SIRT1: variants seen among roughly 807,000 people sequenced by gnomAD.
SIRT1 encodes sirtuin 1.
A neutral mutation model predicts 67.9 loss-of-function variants in SIRT1; 24 were observed. The ratio of observed to expected loss-of-function variants is 0.35; its 90% confidence interval spans 0.26 to 0.50. The LOEUF is 0.50. Ranked by LOEUF, SIRT1 falls within the 20% of genes least tolerant of loss-of-function variation. The pLI, the probability that SIRT1 is intolerant of heterozygous loss-of-function variation, is 0.98. For synonymous variants in SIRT1, 378 were observed against 350.7 expected, an observed-to-expected ratio of 1.08 and a Z score of -0.87; for missense variants, 873 against 937.2, an observed-to-expected ratio of 0.93 and a Z score of 0.89.
chr10:67,900,195 G>T, intron 4 of SIRT1, among the ~76,000 whole-genome samples: 1 of 151,720 alleles, frequency 6.6e-6, no homozygotes, highest in South Asian at 2.1e-4. Context: ...GCTCAAGTTG[G>T]AGTGCAGTGG....
intron 1 of SIRT1, among the ~76,000 whole-genome samples, chr10:67,886,777 T>C (rs1259228529): frequency 6.6e-6 from 1 of 152,168 alleles, no homozygotes; most frequent in Non-Finnish European, 1.5e-5. Context: ...GACGTTTTTA[T>C]GTAAATGTCC....
At chr10:67,913,679 G>A (rs545749332) in intron 8 of SIRT1, among the ~76,000 whole-genome samples, 2 of 152,076 alleles carry the variant, frequency 1.3e-5, no homozygotes, top group South Asian at 4.2e-4. Flanking sequence ...GGAAGCCGAT[G>A]TTTTAAGTCC....
chr10:67,899,340 A>G lies in SIRT1; in HGVS notation c.943-7450A>G, dbSNP rs967783987. On this transcript the variant is annotated intron_variant, in intron 4 of 8. Transcript: ENST00000212015. ...GTTATATAAATATATATAATTATAT[A>G]TATATTTGAGACAGGGCCTGTCTCT... 2.6e-5 allele frequency among the ~76,000 whole-genome samples: 4 copies of G among 151,178 alleles called. No individual in the cohort carries two copies. The East Asian group carries it at 7.7e-4, about 29-fold the overall frequency.
intron 1 of SIRT1, among the ~76,000 whole-genome samples, chr10:67,886,911 A>T (rs1419854080): frequency 6.9e-6 from 1 of 144,950 alleles, no homozygotes; most frequent in Non-Finnish European, 1.5e-5. Context: ...CGCTCTTGTT[A>T]CCCAAGCTGG....
chr10:67,915,580 G>T (rs2029885725), intron 8 of SIRT1, among the ~76,000 whole-genome samples: 1 of 152,130 alleles, frequency 6.6e-6, no homozygotes, highest in South Asian at 2.1e-4. Context: ...GTAAATTTAG[G>T]TTCACAGGTG....
chr10:67,894,267 C>G (rs1476806348), intron 4 of SIRT1, among the ~76,000 whole-genome samples: 1 of 152,202 alleles, frequency 6.6e-6, no homozygotes, highest in Non-Finnish European at 1.5e-5. Context: ...TAACTTAAAA[C>G]TTATATAATT....
chr10:67,888,947 T>G lies in SIRT1; in HGVS notation c.613T>G (p.Leu205Val). ...GTDPRTILKD[L>V]LPETIPPPEL... ...AGATCCTCGAACAATTCTTAAAGAT[T>G]TATTGCCGGAAACAATACCTCCACC... is the stretch of plus-strand genomic sequence containing the variant. The change falls in exon 3 of 9, where the codon TTA (leucine) becomes GTA (valine). Residue 205 changes from leucine to valine, a missense_variant. Transcript: ENST00000212015. 1 of 1,613,982 alleles carries G rather than the reference T, an allele frequency of 6.2e-7. No individual in the cohort carries two copies. Among genetic ancestry groups the G allele is most frequent in the Non-Finnish European group, 8.5e-7 (1 of 1,179,920 alleles).
At chr10:67,897,656 C>G (rs1842679082) in intron 4 of SIRT1, among the ~76,000 whole-genome samples, 1 of 151,958 alleles carries the variant, frequency 6.6e-6, no homozygotes, top group South Asian at 2.1e-4. Context: ...GCCACTGTGC[C>G]TAGCCAATTT....
At chr10:67,908,481 A>T (rs1480516292) in intron 6 of SIRT1, among the ~76,000 whole-genome samples, 2 of 152,246 alleles carry the variant, frequency 1.3e-5, no homozygotes, top group African/African-American at 2.4e-5. Context: ...ATTATTTCAT[A>T]CATGTTCATT....
chr10:67,891,411 T>G lies in SIRT1; in HGVS notation c.799T>G (p.Ser267Ala). Residue 267 changes from serine (S) to alanine (A), a missense_variant, in exon 4 of 9, where the codon TCA becomes GCA. Physicochemically the swap from Ser to Ala is moderately conservative, Grantham distance 99. This residue lies in a region of SIRT1 where 251 missense variants were observed against 358.8 expected (regional missense o/e 0.70). Transcript: ENST00000212015. Reference sequence around the variant, plus strand: ...GCCATGCACATTTTAGGTGTCTGTTTCATGTGGAATACCTGACTTCAGGTC... The same window carrying G: ...GCCATGCACATTTTAGGTGTCTGTTGCATGTGGAATACCTGACTTCAGGTC... ...IVLTGAGVSV[S>A]CGIPDFRSRD... is the part of the protein sequence containing the mutation. 1.9e-6 allele frequency: 3 copies of G among 1,613,922 alleles called. No homozygotes were observed. Among genetic ancestry groups the G allele is most frequent in the Non-Finnish European group, 2.5e-6 (3 of 1,179,900 alleles).
rs1388942211 is a variant in SIRT1, at chr10:67,884,962, G to T, written c.241G>T (p.Ala81Ser). ...AAAALWREAEAEAAAAGGEQE... is the reference protein window; with the variant it reads ...AAAALWREAESEAAAAGGEQE... ...GGCGGCGCTGTGGCGGGAGGCGGAG[G>T]CAGAGGCGGCGGCGGCAGGCGGGGA... The change falls in exon 1 of 9, where the codon GCA becomes TCA. Residue 81 changes from alanine (A) to serine (S), a missense_variant. Around this residue, in one of 3 missense-constraint regions of SIRT1, gnomAD observed 327 missense variants for 283.9 expected, o/e 1.15. Transcript: ENST00000212015. 7.9e-7 allele frequency: 1 copy of T among 1,262,526 alleles called. No individual in the cohort carries two copies. The highest frequency in any genetic ancestry group is 1.6e-5 in the African/African-American group (1 of 64,376). The allele number at this position is 1,262,526 out of a possible 1,614,324, so 78.2% of individuals were successfully genotyped here.
chr10:67,891,251 A>C (rs1842568232), intron 3 of SIRT1, 151 bp from the exon 4 acceptor site: 1 of 551,324 alleles, frequency 1.8e-6, no homozygotes, highest in African/African-American at 1.9e-5. Flanking sequence ...TATTTCTGAA[A>C]TAAGGGTAGG....
At chr10:67,904,674 C>T (rs932527855) in intron 4 of SIRT1, among the ~76,000 whole-genome samples, 2 of 151,844 alleles carry the variant, frequency 1.3e-5, no homozygotes, top group African/African-American at 2.4e-5. Context: ...GGAGAAACCC[C>T]GTCTCTACTA....
intron 4 of SIRT1, among the ~76,000 whole-genome samples, chr10:67,896,761 CAAAA>C (rs35899726): frequency 8.8e-5 from 5 of 56,744 alleles, no homozygotes; most frequent in Admixed American, 4.1e-4. Flanking sequence ...GAATCTGTCT[CAAAA>C]AAAAAAAAAA....
At chr10:67,889,390 C>T (rs954596122) in intron 3 of SIRT1, among the ~76,000 whole-genome samples, 1 of 152,202 alleles carries the variant, frequency 6.6e-6, no homozygotes, top group East Asian at 1.9e-4. Context: ...TATATCATAG[C>T]TCCTAAAGGA....
In SIRT1 at chr10:67,885,081, G is replaced by T. The variant is rs779354477; in HGVS notation, c.360G>T (p.Leu120Phe). The change falls in exon 1 of 9, where the codon TTG becomes TTT. Residue 120 changes from leucine (L) to phenylalanine (F), a missense_variant. Physicochemically the swap from Leu to Phe is conservative, Grantham distance 22. Around this residue, in one of 3 missense-constraint regions of SIRT1, gnomAD observed 327 missense variants for 283.9 expected, o/e 1.15. Transcript: ENST00000212015. The part of the protein sequence containing the change: ...PSREPPLADN[L>F]YDEDDDDEGE... Reference sequence around the variant, plus strand: ...GGGAGCCACCGCTGGCCGACAACTTGTACGACGAAGACGACGACGACGAGG... The same window carrying T: ...GGGAGCCACCGCTGGCCGACAACTTTTACGACGAAGACGACGACGACGAGG... 12 of 1,448,712 alleles carry T rather than the reference G, an allele frequency of 8.3e-6. No homozygotes were observed. In the South Asian group the frequency reaches 1.5e-4, roughly 18 times the overall value. The allele number at this position is 1,448,712 out of a possible 1,614,324, so 89.7% of individuals were successfully genotyped here.
intron 4 of SIRT1, among the ~76,000 whole-genome samples, chr10:67,895,898 C>T (rs559384695): frequency 3.7e-4 from 56 of 151,822 alleles, no homozygotes; most frequent in South Asian, 2.7e-3. Context: ...CCCATCACCA[C>T]GCCCAGCTAA....
intron 4 of SIRT1, among the ~76,000 whole-genome samples, chr10:67,898,258 C>CA (rs756541937): frequency 0.2 from 12,967 of 66,014 alleles, 1,822 homozygotes; most frequent in African/African-American, 0.44. Flanking sequence ...GACTCTGTCT[C>CA]AAAAAAAAAA....
At chr10:67,902,563 G>A (rs1842760307) in intron 4 of SIRT1, among the ~76,000 whole-genome samples, 1 of 152,148 alleles carries the variant, frequency 6.6e-6, no homozygotes, top group Non-Finnish European at 1.5e-5. Flanking sequence ...TTAAGATGTT[G>A]AGCAGTTTAT....
Sources: gnomAD v4.1 joint callset for allele counts (sites outside exome capture counted in the v4.1 genomes callset) on GRCh38, gnomAD v4.1.1 for gene constraint, gnomAD v4.1.1 regional missense constraint, MANE v1.5 for transcripts, NCBI Gene and HGNC (gene_info 2026-07-23, HGNC 2026-07-21) for gene names.